Variants in MSI2 observed in about 807,000 individuals in gnomAD.
MSI2 encodes RNA-binding protein Musashi homolog 2.
Under a neutral mutation model 45.6 loss-of-function variants are expected in MSI2, and 17 were observed. The observed-to-expected ratio is 0.37, with a 90% CI of 0.26 to 0.56. The LOEUF is 0.56. MSI2 is among the 20% of genes least tolerant of loss of function. The probability of loss-of-function intolerance (pLI) is 0.77; values close to 1 mark genes in which losing one functional copy is unlikely to be tolerated. For synonymous variants in MSI2, 156 were observed against 158.2 expected (o/e 0.99, Z 0.11); for missense variants, 293 against 444.2 (o/e 0.66, Z 3.06).
intron 6 of MSI2, among the ~76,000 whole-genome samples, chr17:57,485,954 G>A (rs1167227372): frequency 2.0e-5 from 3 of 152,206 alleles, no homozygotes; most frequent in Non-Finnish European, 4.4e-5. Context: ...CCACACCAAT[G>A]CAATAGACCC....
At chr17:57,460,618 G>T (rs1162113387) in intron 6 of MSI2, among the ~76,000 whole-genome samples, 1 of 152,132 alleles carries the variant, frequency 6.6e-6, no homozygotes, top group Admixed American at 6.5e-5. Flanking sequence ...CCGCCTGTGT[G>T]TTTGGAGAAC....
At chr17:57,646,163 T>C (rs1291707277) in intron 10 of MSI2, among the ~76,000 whole-genome samples, 3 of 152,198 alleles carry the variant, frequency 2.0e-5, no homozygotes, top group Non-Finnish European at 2.9e-5. Context: ...GTGGGACATG[T>C]GACTGAGTCC....
rs543066312 is a variant in MSI2, at chr17:57,653,300, G to C, written c.790+1139G>C. Among the ~76,000 whole-genome samples, 26 of 152,302 alleles carry C rather than the reference G, an allele frequency of 1.7e-4. No individual in the cohort carries two copies. In the East Asian group the frequency reaches 2.3e-3, roughly 14 times the overall value. The stretch of plus-strand genomic sequence containing the variant: ...ATCCACTCCCCCGAATCATCCCATT[G>C]GGGTTTTGTTTGGAGGGGGCTAGGG... On this transcript the variant is annotated intron_variant, in intron 11 of 13. Transcript: ENST00000284073.
intron 5 of MSI2, among the ~76,000 whole-genome samples, chr17:57,270,418 A>G (rs994733317): frequency 2.6e-5 from 4 of 152,246 alleles, no homozygotes; most frequent in Non-Finnish European, 4.4e-5. Flanking sequence ...GCCTTGCTGC[A>G]TCCAACATGA....
intron 5 of MSI2, among the ~76,000 whole-genome samples, chr17:57,331,271 G>T (rs1914248001): frequency 6.6e-6 from 1 of 152,116 alleles, no homozygotes; most frequent in Admixed American, 6.6e-5. Flanking sequence ...TGAAGAACTG[G>T]CCCAGGACAC....
chr17:57,333,750 T>C (rs1380930392), intron 5 of MSI2, among the ~76,000 whole-genome samples: 1 of 151,624 alleles, frequency 6.6e-6, no homozygotes, highest in Non-Finnish European at 1.5e-5. Context: ...GCCTGGTTTG[T>C]ACCTTTTAAA....
chr17:57,496,230 C>T (rs562392272), intron 6 of MSI2, among the ~76,000 whole-genome samples: 93 of 152,230 alleles, frequency 6.1e-4, no homozygotes, highest in Non-Finnish European at 1.0e-3. Flanking sequence ...TGCCAGGATT[C>T]CCACCCCTTA....
intron 7 of MSI2, among the ~76,000 whole-genome samples, chr17:57,593,049 C>T (rs965843191): frequency 1.3e-5 from 2 of 152,122 alleles, no homozygotes; most frequent in African/African-American, 4.8e-5. Context: ...TGGCTTTAAA[C>T]TAGGCTGTCC....
chr17:57,566,888 G>A (rs1190571164), intron 7 of MSI2, among the ~76,000 whole-genome samples: 1 of 152,198 alleles, frequency 6.6e-6, no homozygotes, highest in Non-Finnish European at 1.5e-5. Flanking sequence ...CTGTGAAGCA[G>A]CAGTGCCCGC....
rs570130879 is a variant in MSI2 at position 57,596,075 on chromosome 17, G to A, written c.455-793G>A. Among the ~76,000 whole-genome samples, 2 of 152,350 alleles carry A rather than the reference G, an allele frequency of 1.3e-5. No individual in the cohort carries two copies. Among genetic ancestry groups the A allele is most frequent in the Admixed American group, 6.5e-5 (1 of 15,308 alleles). Reference sequence around the variant, plus strand: ...GCCATGTGGTAAAGCAGCACTTACTGAGTGGGGTCACAGATGGGGCCACAT... The same window carrying A: ...GCCATGTGGTAAAGCAGCACTTACTAAGTGGGGTCACAGATGGGGCCACAT... On this transcript the variant is annotated intron_variant, in intron 7 of 13. Coordinates refer to ENST00000284073, the MANE Select transcript of MSI2 (RefSeq NM_138962.4). The surrounding 1 kb of genome is among the most constrained non-coding windows in gnomAD (Gnocchi z 4.6).
intron 7 of MSI2, among the ~76,000 whole-genome samples, chr17:57,584,518 G>A (rs949299846): frequency 6.6e-6 from 1 of 152,168 alleles, no homozygotes; most frequent in African/African-American, 2.4e-5. Flanking sequence ...CCCAGCCAGG[G>A]CTCTGTCAGT....
At chr17:57,475,174 C>T (rs867600668) in intron 6 of MSI2, among the ~76,000 whole-genome samples, 2 of 152,152 alleles carry the variant, frequency 1.3e-5, no homozygotes, top group African/African-American at 4.8e-5. Context: ...CTAAGTGAAA[C>T]CCAGGCAGGA....
chr17:57,545,073 G>T (rs1418319317), intron 7 of MSI2, among the ~76,000 whole-genome samples: 4 of 152,316 alleles, frequency 2.6e-5, no homozygotes, highest in African/African-American at 9.6e-5. Context: ...TTTGGTGGGG[G>T]AGGTGGGGGC....
chr17:57,674,278 C>A (rs12951789), intron 11 of MSI2, among the ~76,000 whole-genome samples: 1 of 122,558 alleles, frequency 8.2e-6, no homozygotes, highest in East Asian at 2.3e-4. Context: ...TGGGGAGGGG[C>A]GGGTGGTGGG....
intron 10 of MSI2, among the ~76,000 whole-genome samples, chr17:57,634,471 A>T: frequency 6.6e-6 from 1 of 151,584 alleles, no homozygotes; most frequent in East Asian, 1.9e-4. Flanking sequence ...GTCTCAAAAA[A>T]AAAAGAGAGA....
At chr17:57,563,744 G>GCACACACACACACACA in intron 7 of MSI2, among the ~76,000 whole-genome samples, 2 of 115,786 alleles carry the variant, frequency 1.7e-5, no homozygotes, top group South Asian at 5.8e-4. Flanking sequence ...ACACACAGGC[G>GCACACACACACACACA]CGCACACACA....
At chr17:57,496,009 A>G (rs1484559672) in intron 6 of MSI2, among the ~76,000 whole-genome samples, 1 of 152,176 alleles carries the variant, frequency 6.6e-6, no homozygotes, top group Non-Finnish European at 1.5e-5. Context: ...GGCTACAGTT[A>G]ATATACTTGA....
intron 5 of MSI2, among the ~76,000 whole-genome samples, chr17:57,297,183 T>C (rs1051504544): frequency 3.6e-5 from 5 of 139,100 alleles, no homozygotes; most frequent in African/African-American, 1.5e-4. Context: ...GCCCAGTTTT[T>C]TTTTGTTTTT....
chr17:57,658,681 C>T (rs1425843748), intron 11 of MSI2, among the ~76,000 whole-genome samples: 1 of 152,222 alleles, frequency 6.6e-6, no homozygotes, highest in African/African-American at 2.4e-5. Context: ...TAAGTTAATC[C>T]TAAAGTGAAT....
Sources: gnomAD v4.1 joint callset for allele counts (sites outside exome capture counted in the v4.1 genomes callset) on GRCh38, gnomAD v4.1.1 for gene constraint, Gnocchi (gnomAD v3.1) non-coding constraint, MANE v1.5 for transcripts, NCBI Gene and HGNC (gene_info 2026-07-23, HGNC 2026-07-21) for gene names.